PKNOX2: variants seen among roughly 807,000 people sequenced by gnomAD.
PKNOX2 encodes the protein homeobox protein PKNOX2.
In PKNOX2, 14 loss-of-function variants were observed where a neutral mutation model predicts 53.1. The observed-to-expected ratio is 0.26, with a 90% CI of 0.17 to 0.41. The LOEUF is 0.41. Among genes scored for constraint, PKNOX2 ranks in the 10% least tolerant of loss-of-function variants. The pLI is 1.00. For synonymous variants in PKNOX2, 257 were observed against 242.8 expected (o/e 1.06, Z -0.54); for missense variants, 496 against 602.8 (o/e 0.82, Z 1.85).
Position 125,236,017 on chromosome 11 carries a change from G to A in PKNOX2, c.-130+902G>A, listed in dbSNP as rs558223316. On this transcript the variant is annotated intron_variant, in intron 2 of 12. Transcript: ENST00000298282. ...CCTGAGGCTGAGCTGTTGCTGCCGC[G>A]ACTTTGATAGTACGTTGGCTTCCAA... 2.6e-5 allele frequency among the ~76,000 whole-genome samples: 4 copies of A among 152,316 alleles called. No individual in the cohort carries two copies. The East Asian group carries it at 7.7e-4, about 29-fold the overall frequency.
intron 5 of PKNOX2, among the ~76,000 whole-genome samples, chr11:125,383,867 AG>A (rs1255882814): frequency 2.6e-5 from 4 of 152,156 alleles, no homozygotes; most frequent in Admixed American, 1.3e-4. Flanking sequence ...CTTGAGCAGA[AG>A]CATGGGGGCC....
intron 10 of PKNOX2, among the ~76,000 whole-genome samples, chr11:125,424,841 GCC>G (rs1956330188): frequency 6.6e-6 from 1 of 152,212 alleles, no homozygotes; most frequent in Non-Finnish European, 1.5e-5. Context: ...TTCTGAACCA[GCC>G]CCTGGGCAGA....
chr11:125,203,760 G>T (rs1938729065), intron 1 of PKNOX2, among the ~76,000 whole-genome samples: 2 of 152,180 alleles, frequency 1.3e-5, no homozygotes, highest in Non-Finnish European at 2.9e-5. Context: ...GGTGCTTTGG[G>T]TCAGCAAACG....
At chr11:125,279,984 AT>A (rs1364806179) in intron 2 of PKNOX2, among the ~76,000 whole-genome samples, 2 of 151,530 alleles carry the variant, frequency 1.3e-5, no homozygotes, top group East Asian at 3.9e-4. Flanking sequence ...TTTTATACAT[AT>A]ATATTAAATA....
chr11:125,378,757 ACC>A (rs770708102), intron 5 of PKNOX2, among the ~76,000 whole-genome samples: 3 of 152,092 alleles, frequency 2.0e-5, no homozygotes, highest in Non-Finnish European at 4.4e-5. Flanking sequence ...AAAGTTTATC[ACC>A]CAGAAAGAGA....
intron 9 of PKNOX2, 90 bp from the exon 10 acceptor site, chr11:125,411,656 C>G: frequency 6.2e-7 from 1 of 1,603,010 alleles, no homozygotes. Context: ...AAGGGGCTGG[C>G]AGCCAAGCCT....
intron 12 of PKNOX2, 140 bp downstream of exon 12, chr11:125,430,281 C>A: frequency 9.7e-7 from 1 of 1,030,204 alleles, no homozygotes; most frequent in Non-Finnish European, 1.4e-6. Flanking sequence ...ATTATCCCTC[C>A]CCAAAGCCCT....
At chr11:125,253,836 G>A (rs1327198132) in intron 2 of PKNOX2, among the ~76,000 whole-genome samples, 1 of 152,142 alleles carries the variant, frequency 6.6e-6, no homozygotes, top group Non-Finnish European at 1.5e-5. Context: ...GAGCAGCCAG[G>A]CGTCTAGATA....
At chr11:125,295,424 GTGTGCATGTGTCCATACACATGTATGCC>G (rs1474100634) in intron 2 of PKNOX2, among the ~76,000 whole-genome samples, 4 of 152,366 alleles carry the variant, frequency 2.6e-5, no homozygotes, top group Non-Finnish European at 4.4e-5. Context: ...ACACGTGTGT[GTGTGCATGTGTCCATACACATGTATGCC>G]TGTGCATGTG....
Position 125,432,056 on chromosome 11 carries a change from T to C in PKNOX2, c.*664T>C, listed in dbSNP as rs1188923770. On this transcript the variant is annotated 3_prime_UTR_variant, in exon 13 of 13. Transcript: ENST00000298282. ...GAAAGGGATGGGAGCCACAGTGCCC[T>C]TCACTCTCTCCTGGAAACCAACTGT... 6.6e-6 allele frequency: 1 copy of C among 152,490 alleles called. No individual in the cohort carries two copies. The highest frequency in any genetic ancestry group is 2.4e-5 in the African/African-American group (1 of 41,436). The allele number at this position is 152,490 out of a possible 1,614,324, so 9.4% of individuals were successfully genotyped here. A position where few individuals can be genotyped will look rare whatever the true frequency, so the allele number is the denominator to read the frequency against.
rs1956723947 is a variant in PKNOX2, at chr11:125,431,980, G to C, written c.*588G>C. The C allele has an allele frequency of 6.5e-6, 1 of 154,086 alleles. No homozygotes were observed. The allele number at this position is 154,086 out of a possible 1,614,324, so 9.5% of individuals were successfully genotyped here. A position where few individuals can be genotyped will look rare whatever the true frequency, so the allele number is the denominator to read the frequency against. ...ATGGGATGGAATCCACCAGGCTCCA[G>C]CTCATCCCTCCAAGGCCCTGTCTCT... On this transcript the variant is annotated 3_prime_UTR_variant, in exon 13 of 13. Transcript: ENST00000298282.
Position 125,429,148 on chromosome 11 carries a change from G to C in PKNOX2, c.1013+60G>C, listed in dbSNP as rs1956575850. 2.7e-6 allele frequency: 4 copies of C among 1,483,458 alleles called. No individual in the cohort carries two copies. The East Asian group carries it at 9.1e-5, about 34-fold the overall frequency. 91.9% of individuals were successfully genotyped at this position (1,483,458 alleles called of 1,614,324 possible). ...TCCAGGGGCCACCTTCTGGGCAGGG[G>C]AATGCGTAGCAGGGAAAAGAGACTC... On this transcript the variant is annotated intron_variant, in intron 11 of 12. Coordinates refer to ENST00000298282, the MANE Select transcript of PKNOX2 (RefSeq NM_001382323.2).
intron 6 of PKNOX2, among the ~76,000 whole-genome samples, chr11:125,392,384 C>A (rs1372963666): frequency 6.6e-6 from 1 of 152,212 alleles, no homozygotes; most frequent in Non-Finnish European, 1.5e-5. Flanking sequence ...GCCAGGCAGC[C>A]CTCTAACATT....
At chr11:125,278,092 G>T (rs947088547) in intron 2 of PKNOX2, among the ~76,000 whole-genome samples, 1 of 152,098 alleles carries the variant, frequency 6.6e-6, no homozygotes, top group Admixed American at 6.5e-5. Context: ...GGTGGCCCAT[G>T]CCTATAGTCT....
intron 5 of PKNOX2, among the ~76,000 whole-genome samples, chr11:125,382,524 A>T (rs1007313237): frequency 2.0e-5 from 3 of 152,080 alleles, no homozygotes; most frequent in Non-Finnish European, 2.9e-5. Flanking sequence ...TTCCTAATTG[A>T]TCTAGTGGCT....
At chr11:125,209,015 G>T (rs769522250) in intron 1 of PKNOX2, among the ~76,000 whole-genome samples, 2 of 152,014 alleles carry the variant, frequency 1.3e-5, no homozygotes, top group Non-Finnish European at 2.9e-5. Flanking sequence ...AGCTGTGAGC[G>T]CAAATCGCTC....
intron 4 of PKNOX2, among the ~76,000 whole-genome samples, chr11:125,367,369 T>C (rs1952243501): frequency 6.6e-6 from 1 of 152,182 alleles, no homozygotes; most frequent in South Asian, 2.1e-4. Flanking sequence ...CAGTCATCCT[T>C]CAAAACCACT....
At chr11:125,398,324 C>G (rs548542918) in intron 7 of PKNOX2, among the ~76,000 whole-genome samples, 1 of 152,312 alleles carries the variant, frequency 6.6e-6, no homozygotes, top group South Asian at 2.1e-4. Flanking sequence ...CAAAATCATT[C>G]CTGGCTTCCT....
intron 2 of PKNOX2, among the ~76,000 whole-genome samples, chr11:125,306,469 C>A (rs1349358037): frequency 2.0e-5 from 3 of 151,990 alleles, no homozygotes; most frequent in Admixed American, 1.3e-4. Context: ...TTCTTTTTTT[C>A]TTTTCTTTCC....
Sources: allele counts gnomAD v4.1 joint callset (sites outside exome capture counted in the v4.1 genomes callset), GRCh38; gene constraint gnomAD v4.1.1; transcripts MANE v1.5; gene names NCBI Gene and HGNC (gene_info 2026-07-23, HGNC 2026-07-21).